CDH12: variants seen among roughly 807,000 people sequenced by gnomAD.
CDH12 encodes the protein cadherin 12, also known as cadherin-12.
CDH12 carries 41 observed loss-of-function variants against 74.1 expected under a neutral mutation model. The ratio of observed to expected loss-of-function variants is 0.55; its 90% confidence interval spans 0.43 to 0.72. The LOEUF (loss-of-function observed/expected upper bound fraction) is 0.72, where lower values mean the gene tolerates loss of function less well. Among genes scored for constraint, CDH12 ranks in the 30% least tolerant of loss-of-function variants. The pLI is 0.00. For synonymous variants in CDH12, 399 were observed against 355.0 expected (o/e 1.12, Z -1.39); for missense variants, 945 against 977.2 (o/e 0.97, Z 0.44).
chr5:22,318,018 C>T (rs538800768), intron 3 of CDH12, among the ~76,000 whole-genome samples: 4 of 152,312 alleles, frequency 2.6e-5, no homozygotes, highest in African/African-American at 9.6e-5. Context: ...TTTCTTCCAT[C>T]TTAATTTACA....
chr5:22,478,779 T>G (rs1022842965), intron 2 of CDH12, among the ~76,000 whole-genome samples: 1 of 152,182 alleles, frequency 6.6e-6, no homozygotes, highest in African/African-American at 2.4e-5. Flanking sequence ...AAACCCTCTA[T>G]ATCATAAATA....
intron 6 of CDH12, among the ~76,000 whole-genome samples, chr5:21,910,282 A>C (rs896806173): frequency 2.0e-5 from 3 of 152,188 alleles, no homozygotes; most frequent in Non-Finnish European, 2.9e-5. Context: ...CAAAAAAGTC[A>C]GCAACAGCCT....
chr5:22,206,931 C>T (rs1174148529), intron 4 of CDH12, among the ~76,000 whole-genome samples: 6 of 150,568 alleles, frequency 4.0e-5, no homozygotes, highest in Admixed American at 6.6e-5. Flanking sequence ...TATTCTACCA[C>T]GGTCCGGCGT....
intron 6 of CDH12, among the ~76,000 whole-genome samples, chr5:21,890,038 T>C (rs184454365): frequency 2.6e-4 from 40 of 152,284 alleles, no homozygotes; most frequent in Non-Finnish European, 4.4e-4. Flanking sequence ...TCGGGAAATA[T>C]GTAAAACACA....
chr5:22,311,691 A>G (rs895026605), intron 3 of CDH12, among the ~76,000 whole-genome samples: 28 of 134,854 alleles, frequency 2.1e-4, no homozygotes, highest in African/African-American at 8.0e-4. Context: ...TGACAGAGAG[A>G]GACTCCATCT....
chr5:22,191,431 T>G (rs184262792), intron 4 of CDH12, among the ~76,000 whole-genome samples: 93 of 152,230 alleles, frequency 6.1e-4, no homozygotes, highest in Middle Eastern at 6.8e-3. Flanking sequence ...CTTAAATTAA[T>G]GAATGATAAA....
At chr5:22,185,706 C>T (rs1294172227) in intron 4 of CDH12, among the ~76,000 whole-genome samples, 1 of 152,166 alleles carries the variant, frequency 6.6e-6, no homozygotes, top group Admixed American at 6.5e-5. Flanking sequence ...TCTGACAAAG[C>T]AGCAAGATTT....
intron 2 of CDH12, among the ~76,000 whole-genome samples, chr5:22,429,041 G>A (rs1438962160): frequency 6.6e-6 from 1 of 151,920 alleles, no homozygotes; most frequent in Non-Finnish European, 1.5e-5. Context: ...AATTTCTGAA[G>A]CTTCTGATTC....
intron 1 of CDH12, among the ~76,000 whole-genome samples, chr5:22,715,615 C>A (rs1743531029): frequency 6.6e-6 from 1 of 151,822 alleles, no homozygotes; most frequent in African/African-American, 2.4e-5. Context: ...CCAGCCTGAC[C>A]AACATGGTGA....
chr5:21,884,059 T>C (rs1319049129), intron 6 of CDH12: 10 of 1,433,892 alleles, frequency 7.0e-6, no homozygotes, highest in South Asian at 6.9e-5. Flanking sequence ...GGATCTTTGA[T>C]AGTTGAGAAA....
chr5:22,727,914 A>T (rs763688712), intron 1 of CDH12, among the ~76,000 whole-genome samples: 2 of 151,596 alleles, frequency 1.3e-5, no homozygotes, highest in Non-Finnish European at 3.0e-5. Context: ...TTTAGCTGTG[A>T]ATTTCCTTGA....
At chr5:22,529,229 G>GA (rs1426501554) in intron 1 of CDH12, among the ~76,000 whole-genome samples, 1 of 148,032 alleles carries the variant, frequency 6.8e-6, no homozygotes, top group African/African-American at 2.5e-5. Context: ...AGAGAGAAGA[G>GA]AGAGAGAGAG....
intron 5 of CDH12, among the ~76,000 whole-genome samples, chr5:22,018,648 A>G (rs1737763096): frequency 6.6e-6 from 1 of 152,234 alleles, no homozygotes; most frequent in African/African-American, 2.4e-5. Context: ...ATAAAAGTCA[A>G]CAAAACATTG....
chr5:22,795,704 T>C (rs1045473055), intron 1 of CDH12, among the ~76,000 whole-genome samples: 1 of 151,658 alleles, frequency 6.6e-6, no homozygotes, highest in African/African-American at 2.4e-5. Context: ...ATACACTGTA[T>C]GGTAACTAGC....
chr5:22,812,639 G>C (rs1749206554), intron 1 of CDH12, among the ~76,000 whole-genome samples: 1 of 152,110 alleles, frequency 6.6e-6, no homozygotes, highest in South Asian at 2.1e-4. Flanking sequence ...TCATGTTTGG[G>C]GGTGTGGGAA....
intron 1 of CDH12, among the ~76,000 whole-genome samples, chr5:22,600,817 C>T (rs922276885): frequency 2.0e-5 from 3 of 151,922 alleles, no homozygotes; most frequent in Admixed American, 6.6e-5. Flanking sequence ...ATTTGGAAAA[C>T]ACACCCCAAA....
At chr5:21,800,279 C>A (rs936734689) in intron 10 of CDH12, among the ~76,000 whole-genome samples, 3 of 151,952 alleles carry the variant, frequency 2.0e-5, no homozygotes, top group Non-Finnish European at 4.4e-5. Flanking sequence ...GAAGTTGAGA[C>A]TTTGGGGGCC....
chr5:22,240,087 T>G (rs897423421), intron 3 of CDH12, among the ~76,000 whole-genome samples: 2 of 152,174 alleles, frequency 1.3e-5, no homozygotes, highest in African/African-American at 4.8e-5. Context: ...TTCAAGATAA[T>G]TCATTTTCTC....
At chr5:22,108,652 T>C (rs1454546303) in intron 4 of CDH12, among the ~76,000 whole-genome samples, 2 of 152,172 alleles carry the variant, frequency 1.3e-5, no homozygotes, top group South Asian at 2.1e-4. Context: ...GAGAAAAAAG[T>C]AGATAGGAAC....
Sources: allele counts gnomAD v4.1 joint callset (sites outside exome capture counted in the v4.1 genomes callset), GRCh38; gene constraint gnomAD v4.1.1; transcripts MANE v1.5; gene names NCBI Gene and HGNC (gene_info 2026-07-23, HGNC 2026-07-21).